Variants in SLC25A28 observed in about 807,000 individuals in gnomAD.
The protein encoded by SLC25A28 is mitoferrin-2.
SLC25A28 carries 10 observed loss-of-function variants against 31.9 expected under a neutral mutation model. The ratio of observed to expected loss-of-function variants is 0.31; its 90% CI spans 0.19 to 0.53. The LOEUF (loss-of-function observed/expected upper bound fraction) is 0.53, where lower values mean the gene tolerates loss of function less well. Among genes scored for constraint, SLC25A28 ranks in the 20% least tolerant of loss-of-function variants. The pLI is 0.95. For missense variants in SLC25A28, 256 were observed against 490.3 expected (o/e 0.52, Z 4.51); for synonymous variants, 208 against 203.6 (o/e 1.02, Z -0.19).
chr10:99,632,438 T>C, the SLC25A28 span, among the ~76,000 whole-genome samples: 1 of 152,154 alleles, frequency 6.6e-6, no homozygotes, highest in African/African-American at 2.4e-5. Context: ...GGGACAACTG[T>C]ACTTCACTGG....
chr10:99,625,448 C>G (rs1223531905), upstream of SLC25A28, among the ~76,000 whole-genome samples: 1 of 152,162 alleles, frequency 6.6e-6, no homozygotes, highest in African/African-American at 2.4e-5. Flanking sequence ...AATCCTCTAG[C>G]TAGACAGAAA....
the SLC25A28 span, among the ~76,000 whole-genome samples, chr10:99,657,648 G>C: frequency 1.3e-5 from 2 of 152,056 alleles, no homozygotes; most frequent in African/African-American, 4.8e-5. Flanking sequence ...ATGACAATTA[G>C]AACTCTGACC....
At chr10:99,636,557 A>T in the SLC25A28 span, among the ~76,000 whole-genome samples, 14 of 152,188 alleles carry the variant, frequency 9.2e-5, no homozygotes, top group African/African-American at 3.4e-4. Flanking sequence ...ATCTCAAGGA[A>T]CTGGAGAAAC....
upstream of SLC25A28, among the ~76,000 whole-genome samples, chr10:99,623,100 G>GT (rs2034824786): frequency 6.6e-6 from 1 of 152,212 alleles, no homozygotes; most frequent in Non-Finnish European, 1.5e-5. Flanking sequence ...GACATGTATG[G>GT]TGAGTTCTGA....
At chr10:99,625,820 G>C in the SLC25A28 span, among the ~76,000 whole-genome samples, 1 of 152,192 alleles carries the variant, frequency 6.6e-6, no homozygotes, top group East Asian at 1.9e-4. Context: ...CACAGACCCA[G>C]AAGATAATTA....
At chr10:99,657,752 C>T in the SLC25A28 span, among the ~76,000 whole-genome samples, 3 of 152,026 alleles carry the variant, frequency 2.0e-5, no homozygotes, top group Non-Finnish European at 4.4e-5. Flanking sequence ...CAACTCAGAA[C>T]CCACTAAAGA....
chr10:99,647,906 AGGG>A, the SLC25A28 span, among the ~76,000 whole-genome samples: 3 of 152,272 alleles, frequency 2.0e-5, no homozygotes, highest in East Asian at 5.8e-4. Flanking sequence ...TTTGTTGAAT[AGGG>A]TGTCCTTTCC....
At chr10:99,612,753 CTCCT>C in intron 2 of SLC25A28, 154 bp from the exon 3 acceptor site, 1 of 785,288 alleles carries the variant, frequency 1.3e-6, no homozygotes, top group South Asian at 1.5e-5. Context: ...TGCTCCTAAA[CTCCT>C]GTTTAAGAAG....
the SLC25A28 span, among the ~76,000 whole-genome samples, chr10:99,655,600 G>A: frequency 6.6e-6 from 1 of 152,014 alleles, no homozygotes; most frequent in African/African-American, 2.4e-5. Flanking sequence ...TACCTGTATC[G>A]TTTTTTTCTT....
the SLC25A28 span, among the ~76,000 whole-genome samples, chr10:99,643,108 T>C: frequency 7.9e-5 from 12 of 152,200 alleles, no homozygotes; most frequent in Non-Finnish European, 1.6e-4. Context: ...ATTCCCTCTT[T>C]TTCTATTGAT....
the SLC25A28 span, among the ~76,000 whole-genome samples, chr10:99,632,185 C>T: frequency 2.0e-5 from 3 of 151,978 alleles, no homozygotes; most frequent in South Asian, 6.2e-4. Flanking sequence ...CGTGAGCCAC[C>T]GCGCCTGGCC....
At chr10:99,635,385 T>A in the SLC25A28 span, among the ~76,000 whole-genome samples, 1 of 152,098 alleles carries the variant, frequency 6.6e-6, no homozygotes, top group African/African-American at 2.4e-5. Context: ...GCCGAATGGA[T>A]AAGAACTCAC....
the SLC25A28 span, among the ~76,000 whole-genome samples, chr10:99,630,732 C>T: frequency 2.0e-5 from 3 of 152,110 alleles, no homozygotes; most frequent in African/African-American, 4.8e-5. Context: ...CATAAATCCA[C>T]GCATGGTCTC....
Position 99,611,486 on chromosome 10 carries a change from T to G in SLC25A28, c.578-120A>C, listed in dbSNP as rs2034523460. On this transcript the variant is annotated intron_variant, in intron 3 of 3. Coordinates refer to ENST00000370495, the MANE Select transcript of SLC25A28 (RefSeq NM_031212.4). This position sits in a 1 kb window ranked among gnomAD's most constrained non-coding sequence, Gnocchi z 5.5. ...AATGGAATAGAGAGAGAAAAAAGTA[T>G]GAGTGAGCTGCTGGCTAACCTGAGA... The G allele has an allele frequency of 7.9e-7, 1 of 1,261,732 alleles. No individual in the cohort carries two copies. Among genetic ancestry groups the G allele is most frequent in the African/African-American group, 1.5e-5 (1 of 66,908 alleles). The allele number at this position is 1,261,732 out of a possible 1,614,324, so 78.2% of individuals were successfully genotyped here.
At chr10:99,649,943 T>A in the SLC25A28 span, among the ~76,000 whole-genome samples, 13 of 152,310 alleles carry the variant, frequency 8.5e-5, no homozygotes, top group East Asian at 1.5e-3. Context: ...CATTTAGTTA[T>A]GATCTAATCG....
chr10:99,618,834 A>T (rs2034717710), intron 1 of SLC25A28: 1 of 985,334 alleles, frequency 1.0e-6, no homozygotes, highest in Non-Finnish European at 1.2e-6. Context: ...ACCAAAGGGA[A>T]GTAAAAGGGA....
chr10:99,622,577 C>A (rs1029821560), upstream of SLC25A28: 5 of 861,346 alleles, frequency 5.8e-6, no homozygotes, highest in East Asian at 6.0e-4. Context: ...CCAAATCCAT[C>A]GGTCTTTTTC....
chr10:99,627,226 C>T, the SLC25A28 span, among the ~76,000 whole-genome samples: 1 of 151,894 alleles, frequency 6.6e-6, no homozygotes, highest in Non-Finnish European at 1.5e-5. Context: ...AGGCGACAGA[C>T]CGAGACAATC....
At chr10:99,630,335 C>A in the SLC25A28 span, among the ~76,000 whole-genome samples, 3 of 151,982 alleles carry the variant, frequency 2.0e-5, no homozygotes, top group Non-Finnish European at 4.4e-5. Context: ...GGTTTCACCA[C>A]GTTGGCGAGG....
Sources: gnomAD v4.1 joint callset for allele counts (sites outside exome capture counted in the v4.1 genomes callset) on GRCh38, gnomAD v4.1.1 for gene constraint, Gnocchi (gnomAD v3.1) non-coding constraint, MANE v1.5 for transcripts, NCBI Gene and HGNC (gene_info 2026-07-23, HGNC 2026-07-21) for gene names.